EEF1A2: variants seen among roughly 807,000 people sequenced by gnomAD.
EEF1A2 encodes the protein eukaryotic translation elongation factor 1 alpha 2, also known as elongation factor 1-alpha 2.
Under a neutral mutation model 39.3 loss-of-function variants are expected in EEF1A2, and 5 were observed. The ratio of observed to expected loss-of-function variants is 0.13; its 90% CI spans 0.07 to 0.27. The LOEUF (loss-of-function observed/expected upper bound fraction) is 0.27. Among genes scored for constraint, EEF1A2 ranks in the 10% least tolerant of loss-of-function variants. EEF1A2 has a pLI of 1.00. For synonymous variants in EEF1A2, 287 were observed against 293.7 expected (o/e 0.98, Z 0.23); for missense variants, 218 against 681.4 (o/e 0.32, Z 7.57).
intron 5 of EEF1A2, among the ~76,000 whole-genome samples, chr20:63,491,316 C>G (rs904031995): frequency 6.6e-6 from 1 of 152,218 alleles, no homozygotes; most frequent in Non-Finnish European, 1.5e-5. Context: ...GGCACATGAG[C>G]GTCCCTGGCA....
At chr20:63,495,180 C>G (rs997370453) in intron 3 of EEF1A2, 79 bp from the exon 4 acceptor site, 4 of 1,538,922 alleles carry the variant, frequency 2.6e-6, no homozygotes, top group African/African-American at 1.4e-5. Context: ...ACCTCACTTC[C>G]AGGCCTCTCC....
intron 5 of EEF1A2, among the ~76,000 whole-genome samples, chr20:63,492,896 G>C (rs1438596353): frequency 6.6e-6 from 1 of 150,882 alleles, no homozygotes; most frequent in Non-Finnish European, 1.5e-5. Flanking sequence ...ATGGATGGAT[G>C]GATGGATAGA....
At chr20:63,495,797 G>A in intron 3 of EEF1A2, 59 bp downstream of exon 3, 2 of 1,582,738 alleles carry the variant, frequency 1.3e-6, no homozygotes, top group Non-Finnish European at 1.7e-6. Flanking sequence ...GGGGCCCCCA[G>A]TGTCCCTTGA....
At chr20:63,492,991 G>A in intron 5 of EEF1A2, 146 bp downstream of exon 5, 1 of 1,094,786 alleles carries the variant, frequency 9.1e-7, no homozygotes, top group Non-Finnish European at 1.2e-6. Flanking sequence ...ATGGATGGAT[G>A]GATGTGGGAT....
At chr20:63,496,096 G>T in intron 2 of EEF1A2, 61 bp from the exon 3 acceptor site, 2 of 1,588,048 alleles carry the variant, frequency 1.3e-6, no homozygotes, top group Non-Finnish European at 1.7e-6. Context: ...CCCTGGTGGT[G>T]CGAGCTGCTT....
intron 5 of EEF1A2, among the ~76,000 whole-genome samples, chr20:63,491,496 T>C (rs2145940732): frequency 1.3e-5 from 2 of 152,328 alleles, no homozygotes; most frequent in South Asian, 4.1e-4. Context: ...GGGGTGAGCA[T>C]GATGCCCCCA....
rs1268223406 is a variant in EEF1A2 at position 63,488,191 on chromosome 20, G to C, written c.*107C>G. ...AGGTGCAGACATGCGCCTGGCGGGGGTGCGGGGCGCCGGACCGGCGCGCGG... is the reference window on the plus strand; with the variant it reads ...AGGTGCAGACATGCGCCTGGCGGGGCTGCGGGGCGCCGGACCGGCGCGCGG... On this transcript the variant is annotated 3_prime_UTR_variant, in exon 8 of 8. Coordinates refer to ENST00000217182, the MANE Select transcript of EEF1A2 (RefSeq NM_001958.5). 1 of 735,188 alleles carries C rather than the reference G, an allele frequency of 1.4e-6. No homozygotes were observed. Among genetic ancestry groups the C allele is most frequent in the African/African-American group, 2.0e-5 (1 of 51,190 alleles). The allele number at this position is 735,188 out of a possible 1,614,324, so 45.5% of individuals were successfully genotyped here.
At position 63,498,498 on chromosome 20, in the gene EEF1A2, G is replaced by A. The variant is rs2082428753; in HGVS notation, c.-72+560C>T. 1 of 152,766 alleles carries A rather than the reference G, an allele frequency of 6.5e-6. No homozygotes were observed. Among genetic ancestry groups the A allele is most frequent in the Non-Finnish European group, 1.5e-5 (1 of 68,374 alleles). 9.5% of individuals were successfully genotyped at this position (152,766 alleles called of 1,614,324 possible). On this transcript the variant is annotated intron_variant, in intron 1 of 7. Transcript: ENST00000217182. This position sits in a 1 kb window ranked among gnomAD's most constrained non-coding sequence, Gnocchi z 4.1. ...TTCCAGCCTGAGGAAGGAGGACCCG[G>A]CCCTGCCGAGCCCAGCAAGTGCCAG...
intron 5 of EEF1A2, 145 bp downstream of exon 5, chr20:63,492,992 G>A (rs2082398145): frequency 1.8e-6 from 2 of 1,108,490 alleles, no homozygotes; most frequent in African/African-American, 3.2e-5. Flanking sequence ...TGGATGGATG[G>A]ATGTGGGATG....
chr20:63,497,793 C>G lies in EEF1A2; in HGVS notation c.-30G>C. 6.2e-7 allele frequency: 1 copy of G among 1,602,910 alleles called. No homozygotes were observed. The highest frequency in any genetic ancestry group is 8.5e-7 in the Non-Finnish European group (1 of 1,174,084). The stretch of plus-strand genomic sequence containing the variant: ...CTGGGAGTGTGAGGGGCTGGCGGGA[C>G]CCGGGGTGCTCTGGCTCAGGGCGAG... On this transcript the variant is annotated 5_prime_UTR_variant, in exon 2 of 8. Coordinates refer to ENST00000217182, the MANE Select transcript of EEF1A2 (RefSeq NM_001958.5). This position sits in a 1 kb window ranked among gnomAD's most constrained non-coding sequence, Gnocchi z 7.3.
Position 63,488,402 on chromosome 20 carries a change from T to C in EEF1A2, c.1288A>G (p.Arg430Gly). Residue 430 changes from arginine to glycine, a missense_variant, in exon 8 of 8, where the codon AGG becomes GGG. Arg to Gly is a moderately radical substitution (Grantham distance 125). This residue lies in a region of EEF1A2 where 31 missense variants were observed against 57.0 expected (regional missense o/e 0.54). Transcript: ENST00000217182. Reference sequence around the variant, plus strand: ...ATGACGCCTACGGCCACCGTCTGCCTCATGTCGCGCACGGCGAAGCGGCCT... The same window carrying C: ...ATGACGCCTACGGCCACCGTCTGCCCCATGTCGCGCACGGCGAAGCGGCCT... ...PLGRFAVRDM[R>G]QTVAVGVIKN... 6.8e-7 allele frequency: 1 copy of C among 1,468,524 alleles called. No individual in the cohort carries two copies. The highest frequency in any genetic ancestry group is 9.0e-7 in the Non-Finnish European group (1 of 1,112,402). 91.0% of individuals were successfully genotyped at this position (1,468,524 alleles called of 1,614,324 possible).
chr20:63,491,575 C>T (rs1278667707), intron 5 of EEF1A2, among the ~76,000 whole-genome samples: 1 of 152,046 alleles, frequency 6.6e-6, no homozygotes, highest in East Asian at 1.9e-4. Flanking sequence ...CTATCAGTGC[C>T]CTTCTCTAGG....
At chr20:63,495,408 T>C (rs922079712) in intron 3 of EEF1A2, among the ~76,000 whole-genome samples, 1 of 152,218 alleles carries the variant, frequency 6.6e-6, no homozygotes, top group Non-Finnish European at 1.5e-5. Context: ...AAGTCACAGT[T>C]ATCAAAGCAG....
intron 7 of EEF1A2, 149 bp downstream of exon 7, chr20:63,488,769 G>T: frequency 1.1e-6 from 1 of 880,442 alleles, no homozygotes; most frequent in Non-Finnish European, 1.7e-6. Flanking sequence ...TGACACGGAG[G>T]CCGTGGCTCT....
rs1454040661 is a variant in EEF1A2, at chr20:63,490,689, C to T, written c.819G>A (p.Arg273=). The T allele has an allele frequency of 3.7e-6, 6 of 1,608,526 alleles. No homozygotes were observed. Among genetic ancestry groups the T allele is most frequent in the Middle Eastern group, 1.7e-4 (1 of 6,044 alleles). ...GCGCAAAGGTCACCACCATGCCCGGCCGCAGGATGCCGGTCTCCACCCGGC... is the reference window on the plus strand; with the variant it reads ...GCGCAAAGGTCACCACCATGCCCGGTCGCAGGATGCCGGTCTCCACCCGGC... ...PVGRVETGIL[R]PGMVVTFAPV... The change falls in exon 6 of 8, where the codon CGG becomes CGA. Residue 273 remains arginine (R), a synonymous_variant. Coordinates refer to ENST00000217182, the MANE Select transcript of EEF1A2 (RefSeq NM_001958.5).
At chr20:63,492,533 GAA>G (rs2082392435) in intron 5 of EEF1A2, among the ~76,000 whole-genome samples, 1 of 151,136 alleles carries the variant, frequency 6.6e-6, no homozygotes, top group Non-Finnish European at 1.5e-5. Flanking sequence ...TGGATGGATG[GAA>G]GGATGGATGG....
intron 2 of EEF1A2, chr20:63,496,391 T>G: frequency 3.6e-6 from 1 of 279,340 alleles, no homozygotes; most frequent in Non-Finnish European, 6.9e-6. Context: ...CGCCCCCAGA[T>G]CCCTTCCTCA....
rs2145944967 is a variant in EEF1A2, at chr20:63,495,080, C to T, written c.346G>A (p.Val116Met). The change falls in exon 4 of 8, where the codon GTG (valine) becomes ATG (methionine). Residue 116 changes from valine to methionine, a missense_variant. Val to Met is a conservative substitution (Grantham distance 21). Around this residue, in one of 4 missense-constraint regions of EEF1A2, gnomAD observed 79 missense variants for 172.3 expected, o/e 0.46. Coordinates refer to ENST00000217182, the MANE Select transcript of EEF1A2 (RefSeq NM_001958.5). ...TCGAACTCGCCCACGCCCGCCGCCA[C>T]GATCAGCACTGCGCAGTCCGCCTGC... Reference protein sequence around the residue: ...TSQADCAVLIVAAGVGEFEAG... With the variant: ...TSQADCAVLIMAAGVGEFEAG... 3 of 1,611,384 alleles carry T rather than the reference C, an allele frequency of 1.9e-6. No homozygotes were observed. Among genetic ancestry groups the T allele is most frequent in the Non-Finnish European group, 2.5e-6 (3 of 1,179,820 alleles).
Position 63,488,162 on chromosome 20 carries a change from G to T in EEF1A2, c.*136C>A. The stretch of plus-strand genomic sequence containing the variant: ...GTCGCTGACCGAGGGCCTCTGGCAA[G>T]CGGAGGTGCAGACATGCGCCTGGCG... On this transcript the variant is annotated 3_prime_UTR_variant, in exon 8 of 8. Coordinates refer to ENST00000217182, the MANE Select transcript of EEF1A2 (RefSeq NM_001958.5). 2.2e-6 allele frequency: 1 copy of T among 448,216 alleles called. No individual in the cohort carries two copies. The highest frequency in any genetic ancestry group is 2.9e-6 in the Non-Finnish European group (1 of 342,532). 27.8% of individuals were successfully genotyped at this position (448,216 alleles called of 1,614,324 possible).
Sources: allele counts gnomAD v4.1 joint callset (sites outside exome capture counted in the v4.1 genomes callset), GRCh38; gene constraint gnomAD v4.1.1; regional missense constraint gnomAD v4.1.1; non-coding constraint Gnocchi (gnomAD v3.1); transcripts MANE v1.5; gene names NCBI Gene and HGNC (gene_info 2026-07-23, HGNC 2026-07-21).